Variants in MAPK8IP3 observed in about 807,000 individuals in gnomAD.
MAPK8IP3 encodes mitogen-activated protein kinase 8 interacting protein 3.
A neutral mutation model predicts 157.8 loss-of-function variants in MAPK8IP3; 49 were observed. The ratio of observed to expected loss-of-function variants is 0.31; its 90% CI spans 0.25 to 0.39. MAPK8IP3 has a LOEUF of 0.39. MAPK8IP3 is among the 10% of genes least tolerant of loss of function. The probability of loss-of-function intolerance (pLI) is 1.00; values close to 1 mark genes in which losing one functional copy is unlikely to be tolerated. For synonymous variants in MAPK8IP3, 897 were observed against 777.7 expected, an observed-to-expected ratio of 1.15 and a Z score of -2.55; for missense variants, 1,478 against 1,889.4, an observed-to-expected ratio of 0.78 and a Z score of 4.04.
chr16:1,737,186 GTCCGTGTGAGCGTGTGACCA>G (rs553482448), intron 4 of MAPK8IP3, among the ~76,000 whole-genome samples: 1,257 of 95,116 alleles, frequency 0.013, 86 homozygotes, highest in Non-Finnish European at 0.021. Context: ...GCGTGTGACC[GTCCGTGTGAGCGTGTGACCA>G]TCCGTGAGAG....
At chr16:1,707,063 A>C in intron 1 of MAPK8IP3, among the ~76,000 whole-genome samples, 1 of 146,630 alleles carries the variant, frequency 6.8e-6, no homozygotes, top group African/African-American at 2.6e-5. Context: ...CTCCCCACCC[A>C]CCTCTGCATG....
chr16:1,755,655 T>C (rs2041550053), intron 8 of MAPK8IP3, among the ~76,000 whole-genome samples: 1 of 151,970 alleles, frequency 6.6e-6, no homozygotes, highest in South Asian at 2.1e-4. Context: ...GAGACCATCT[T>C]GGCCAACATG....
intron 17 of MAPK8IP3, 25 bp downstream of exon 17, chr16:1,763,808 G>GGGCGGGGCCCC (rs1372401914): frequency 5.5e-6 from 8 of 1,462,604 alleles, no homozygotes; most frequent in African/African-American, 1.5e-5. Context: ...TGCGGGGACC[G>GGGCGGGGCCCC]GGCGGGGCCC....
intron 4 of MAPK8IP3, among the ~76,000 whole-genome samples, chr16:1,737,462 C>A (rs1211678754): frequency 3.7e-5 from 3 of 81,954 alleles, no homozygotes; most frequent in African/African-American, 1.5e-4. Context: ...GTGTGACCAC[C>A]CATGTGAGCA....
rs748743116 is a variant in MAPK8IP3 at position 1,766,256 on chromosome 16, C to T, written c.2666C>T (p.Pro889Leu). The change falls in exon 22 of 32, where the codon CCG becomes CTG. Residue 889 changes from proline (P) to leucine (L), a missense_variant. By Grantham distance (98) the Pro-to-Leu change is moderately conservative. This residue lies in a region of MAPK8IP3 where 669 missense variants were observed against 759.8 expected (regional missense o/e 0.88). Transcript: ENST00000610761. ...ACCATCGCCAACGGGAAGGTCAACC[C>T]GTCCCAGTCCACAGAGGAGGCCACA... ...VATIANGKVN[P>L]SQSTEEATEA... The T allele has an allele frequency of 3.1e-6, 5 of 1,612,026 alleles. No homozygotes were observed. Among genetic ancestry groups the T allele is most frequent in the East Asian group, 2.2e-5 (1 of 44,864 alleles).
chr16:1,743,917 G>A lies in MAPK8IP3; in HGVS notation c.747+441G>A. 9.9e-7 allele frequency: 1 copy of A among 1,014,776 alleles called. No homozygotes were observed. The highest frequency in any genetic ancestry group is 1.2e-6 in the Non-Finnish European group (1 of 848,964). 62.9% of individuals were successfully genotyped at this position (1,014,776 alleles called of 1,614,324 possible). A position where few individuals can be genotyped will look rare whatever the true frequency, so the allele number is the denominator to read the frequency against. Reference sequence around the variant, plus strand: ...CGTCAGTGTCTAGAGTGTGGGGTTTGCCCTCCGTTGGCAGAAAGGTGAGGA... The same window carrying A: ...CGTCAGTGTCTAGAGTGTGGGGTTTACCCTCCGTTGGCAGAAAGGTGAGGA... On this transcript the variant is annotated intron_variant, in intron 5 of 31. Coordinates refer to ENST00000610761, the MANE Select transcript of MAPK8IP3 (RefSeq NM_001318852.2). This position sits in a 1 kb window ranked among gnomAD's most constrained non-coding sequence, Gnocchi z 5.6.
chr16:1,739,309 TGA>T (rs1370464211), intron 4 of MAPK8IP3, among the ~76,000 whole-genome samples: 32 of 128,870 alleles, frequency 2.5e-4, no homozygotes, highest in Middle Eastern at 4.9e-3. Context: ...ACCGTCCGTG[TGA>T]GTGTGTGACC....
chr16:1,729,412 A>T, intron 3 of MAPK8IP3, 75 bp from the exon 4 acceptor site: 1 of 1,442,806 alleles, frequency 6.9e-7, no homozygotes. Flanking sequence ...GGGCAGCCGG[A>T]AAAGCCTCAC....
rs2041275930 is a variant in MAPK8IP3 at position 1,751,319 on chromosome 16, C to T, written c.1216+2599C>T. ...AAAATACAAAAAGAAATTAGCTGGG[C>T]CTGGTGGCGGGCACCTGTAATCCCA... On this transcript the variant is annotated intron_variant, in intron 8 of 31. Coordinates refer to ENST00000610761, the MANE Select transcript of MAPK8IP3 (RefSeq NM_001318852.2). The surrounding 1 kb of genome is among the most constrained non-coding windows in gnomAD (Gnocchi z 5.0). 2.0e-5 allele frequency among the ~76,000 whole-genome samples: 3 copies of T among 152,188 alleles called. No homozygotes were observed. The South Asian group carries it at 6.2e-4, about 32-fold the overall frequency.
intron 1 of MAPK8IP3, chr16:1,713,408 CAT>C (rs2037924892): frequency 6.6e-6 from 1 of 152,172 alleles, no homozygotes; most frequent in Non-Finnish European, 1.5e-5. Context: ...TTAATGTAAA[CAT>C]GTGGCCAGGG....
chr16:1,765,264 C>A, intron 20 of MAPK8IP3, 86 bp downstream of exon 20: 1 of 1,443,652 alleles, frequency 6.9e-7, no homozygotes, highest in Non-Finnish European at 9.3e-7. Context: ...ACAGCAGCTG[C>A]CTTCTCGGGG....
In MAPK8IP3 at chr16:1,760,535, G is replaced by A. The variant is rs201210703; in HGVS notation, c.1457+3G>A. ...GAGCTGGAAGAGGAACTGAAAAGGT[G>A]AGGGCAGGGCATGGAAAGCTGGTCA... is the stretch of plus-strand genomic sequence containing the variant. On this transcript the variant is annotated splice_donor_region_variant and intron_variant, in intron 12 of 31. Transcript: ENST00000610761. The A allele has an allele frequency of 4.9e-5, 79 of 1,611,220 alleles. No homozygotes were observed. In the African/African-American group the frequency reaches 8.3e-4, roughly 17 times the overall value.
chr16:1,724,452 A>T lies in MAPK8IP3; in HGVS notation c.319-105A>T. 7.0e-7 allele frequency: 1 copy of T among 1,425,640 alleles called. No individual in the cohort carries two copies. Among genetic ancestry groups the T allele is most frequent in the Non-Finnish European group, 9.5e-7 (1 of 1,057,056 alleles). 88.3% of individuals were successfully genotyped at this position (1,425,640 alleles called of 1,614,324 possible). A position where few individuals can be genotyped will look rare whatever the true frequency, so the allele number is the denominator to read the frequency against. ...CATGGGCCAGCTTGTGGCCCTGGGGACATCTTTGGCCCCTGGGCCCTCAAA... is the reference window on the plus strand; with the variant it reads ...CATGGGCCAGCTTGTGGCCCTGGGGTCATCTTTGGCCCCTGGGCCCTCAAA... On this transcript the variant is annotated intron_variant, in intron 1 of 31. Coordinates refer to ENST00000610761, the MANE Select transcript of MAPK8IP3 (RefSeq NM_001318852.2). This position sits in a 1 kb window ranked among gnomAD's most constrained non-coding sequence, Gnocchi z 4.1.
At chr16:1,764,980 G>A (rs369200116) in intron 19 of MAPK8IP3, 33 bp from the exon 20 acceptor site, 200 of 1,581,508 alleles carry the variant, frequency 1.3e-4, no homozygotes, top group Non-Finnish European at 1.6e-4. Flanking sequence ...CCTCAAGCTC[G>A]GGCTCTGACC....
At chr16:1,729,297 C>A in intron 3 of MAPK8IP3, 89 bp downstream of exon 3, 1 of 1,457,296 alleles carries the variant, frequency 6.9e-7, no homozygotes, top group Middle Eastern at 1.8e-4. Flanking sequence ...TGGTTTTCTT[C>A]CCTGGCATGT....
chr16:1,745,208 C>A, intron 5 of MAPK8IP3: 1 of 983,802 alleles, frequency 1.0e-6, no homozygotes, highest in Non-Finnish European at 1.2e-6. Flanking sequence ...CCGCAGCCAC[C>A]ATGAGGGTCA....
At chr16:1,762,585 C>G (rs1472857122) in intron 14 of MAPK8IP3, 90 bp from the exon 15 acceptor site, 3 of 1,556,938 alleles carry the variant, frequency 1.9e-6, no homozygotes, top group African/African-American at 2.7e-5. Context: ...GACTGAAGTG[C>G]GCTGGGTGCT....
intron 1 of MAPK8IP3, among the ~76,000 whole-genome samples, chr16:1,713,276 G>A (rs1394961810): frequency 6.6e-6 from 1 of 152,218 alleles, no homozygotes; most frequent in Admixed American, 6.5e-5. Flanking sequence ...CGGAGATGAG[G>A]TCTCGCCACG....
At chr16:1,734,368 C>T (rs1304053460) in intron 4 of MAPK8IP3, among the ~76,000 whole-genome samples, 1 of 152,230 alleles carries the variant, frequency 6.6e-6, no homozygotes, top group East Asian at 1.9e-4. Flanking sequence ...CGCACGGAAT[C>T]GGTCACGCCT....
Sources: allele counts gnomAD v4.1 joint callset (sites outside exome capture counted in the v4.1 genomes callset), GRCh38; gene constraint gnomAD v4.1.1; regional missense constraint gnomAD v4.1.1; non-coding constraint Gnocchi (gnomAD v3.1); transcripts MANE v1.5; gene names NCBI Gene and HGNC (gene_info 2026-07-23, HGNC 2026-07-21).